Variants in LEF1 observed in about 807,000 individuals in gnomAD.
LEF1 encodes the protein lymphoid enhancer-binding factor 1.
In LEF1, 14 loss-of-function variants were observed where a neutral mutation model predicts 51.2. The observed-to-expected ratio is 0.27, with a 90% confidence interval of 0.18 to 0.43. The LOEUF is 0.43. Ranked by LOEUF, LEF1 falls within the 20% of genes least tolerant of loss-of-function variation. The pLI is 1.00. For missense variants in LEF1, 386 were observed against 512.0 expected (o/e 0.75, Z 2.37); for synonymous variants, 185 against 183.2 (o/e 1.01, Z -0.08).
chr4:108,074,220 G>C (rs1290797571), intron 8 of LEF1, among the ~76,000 whole-genome samples: 1 of 152,114 alleles, frequency 6.6e-6, no homozygotes, highest in African/African-American at 2.4e-5. Flanking sequence ...GACTAAAAAT[G>C]CTTCTCTATC....
intron 1 of LEF1, 65 bp from the exon 2 acceptor site, chr4:108,165,228 T>C: frequency 6.9e-7 from 1 of 1,438,964 alleles, no homozygotes; most frequent in Non-Finnish European, 9.8e-7. Context: ...ACAATAATGG[T>C]ACAAATGTGT....
chr4:108,125,225 G>A (rs1331600320), intron 3 of LEF1, among the ~76,000 whole-genome samples: 5 of 151,992 alleles, frequency 3.3e-5, no homozygotes, highest in Non-Finnish European at 7.4e-5. Flanking sequence ...GTGCAGTGGC[G>A]CAATCTCAGC....
intron 3 of LEF1, among the ~76,000 whole-genome samples, chr4:108,094,977 A>G (rs7686902): frequency 0.041 from 6,263 of 152,258 alleles, 403 homozygotes; most frequent in African/African-American, 0.14. Flanking sequence ...CTCCAAAAGG[A>G]TACATTGATT....
rs1737137095 is a variant in LEF1 at position 108,053,515 on chromosome 4, G to T, written c.*7-4764C>A. 1.3e-5 allele frequency among the ~76,000 whole-genome samples: 2 copies of T among 152,172 alleles called. 1 individual carries two copies. Among genetic ancestry groups the T allele is most frequent in the South Asian group, 4.1e-4 (2 of 4,828 alleles). ...CTGGATTCATGTTCTACCAAGGCAA[G>T]GCTTCCTCTCCTGTGGCTATTCAGA... On this transcript the variant is annotated intron_variant, in intron 11 of 11. Coordinates refer to ENST00000265165, the MANE Select transcript of LEF1 (RefSeq NM_016269.5).
At chr4:108,160,889 T>C (rs1159497673) in intron 3 of LEF1, among the ~76,000 whole-genome samples, 1 of 152,098 alleles carries the variant, frequency 6.6e-6, no homozygotes, top group East Asian at 1.9e-4. Flanking sequence ...GAAGGAGTGG[T>C]CAGGTCCCTC....
intron 3 of LEF1, among the ~76,000 whole-genome samples, chr4:108,106,118 G>A (rs766968010): frequency 5.4e-4 from 82 of 152,152 alleles, no homozygotes; most frequent in Middle Eastern, 6.8e-3. Flanking sequence ...GGAGATCAAC[G>A]GTCTGATCAG....
At chr4:108,149,411 G>T (rs1160803268) in intron 3 of LEF1, among the ~76,000 whole-genome samples, 1 of 137,010 alleles carries the variant, frequency 7.3e-6, no homozygotes, top group Admixed American at 7.9e-5. Flanking sequence ...GTGAGCCGAG[G>T]TCGTGCCACT....
intron 3 of LEF1, among the ~76,000 whole-genome samples, chr4:108,131,442 A>G (rs894893092): frequency 6.6e-6 from 1 of 152,098 alleles, no homozygotes; most frequent in African/African-American, 2.4e-5. Flanking sequence ...GTATCTACAC[A>G]ATGCCTACAC....
At chr4:108,126,329 G>A (rs1239846821) in intron 3 of LEF1, among the ~76,000 whole-genome samples, 1 of 152,092 alleles carries the variant, frequency 6.6e-6, no homozygotes, top group African/African-American at 2.4e-5. Context: ...ACTGATTACA[G>A]AATTTGATCT....
intron 3 of LEF1, among the ~76,000 whole-genome samples, chr4:108,156,874 T>C (rs1486285905): frequency 6.7e-6 from 1 of 149,320 alleles, no homozygotes; most frequent in Non-Finnish European, 1.5e-5. Flanking sequence ...AGGAGGGGGG[T>C]GATGATGAGA....
intron 4 of LEF1, among the ~76,000 whole-genome samples, chr4:108,084,539 T>C (rs867805794): frequency 6.6e-6 from 1 of 152,224 alleles, no homozygotes; most frequent in Admixed American, 6.5e-5. Flanking sequence ...AGCCTTCACA[T>C]TGGGAATGAC....
At chr4:108,131,252 T>C (rs1742871404) in intron 3 of LEF1, among the ~76,000 whole-genome samples, 1 of 152,012 alleles carries the variant, frequency 6.6e-6, no homozygotes, top group South Asian at 2.1e-4. Flanking sequence ...CTGAGCAACA[T>C]AGCAAGGACC....
chr4:108,101,726 T>G (rs1276445163), intron 3 of LEF1, among the ~76,000 whole-genome samples: 1 of 152,100 alleles, frequency 6.6e-6, no homozygotes, highest in Non-Finnish European at 1.5e-5. Flanking sequence ...TCTAAAGCTT[T>G]GAATTTCAAC....
intron 3 of LEF1, among the ~76,000 whole-genome samples, chr4:108,099,540 ATATG>A (rs1560788954): frequency 1.5e-4 from 6 of 40,150 alleles, no homozygotes; most frequent in Admixed American, 1.0e-3. Flanking sequence ...ATATATGTGT[ATATG>A]TGTGTGTGTG....
chr4:108,130,395 G>A (rs1742796124), intron 3 of LEF1, among the ~76,000 whole-genome samples: 1 of 152,044 alleles, frequency 6.6e-6, no homozygotes, highest in Non-Finnish European at 1.5e-5. Flanking sequence ...ATCAGCCTAA[G>A]ATGATATTAT....
chr4:108,072,217 T>TAGAGAGAG (rs1553949283), intron 8 of LEF1: 4 of 151,732 alleles, frequency 2.6e-5, no homozygotes, highest in Non-Finnish European at 4.4e-5. Context: ...GGAGGAAGGA[T>TAGAGAGAG]AGAGTGAGAG....
At chr4:108,129,557 GA>G (rs1742739565) in intron 3 of LEF1, among the ~76,000 whole-genome samples, 1 of 152,150 alleles carries the variant, frequency 6.6e-6, no homozygotes, top group African/African-American at 2.4e-5. Flanking sequence ...AAGCAAAGGA[GA>G]GAGAGAACAA....
At chr4:108,105,456 C>T (rs563108711) in intron 3 of LEF1, among the ~76,000 whole-genome samples, 13 of 152,254 alleles carry the variant, frequency 8.5e-5, no homozygotes, top group African/African-American at 2.9e-4. Context: ...GATGGGATTA[C>T]AGGTGTGAGC....
chr4:108,166,181 C>T, intron 1 of LEF1: 6 of 1,364,000 alleles, frequency 4.4e-6, no homozygotes, highest in East Asian at 2.6e-5. Context: ...CCTACCCCCG[C>T]CCCCAGCCCG....
Sources: gnomAD v4.1 joint callset for allele counts (sites outside exome capture counted in the v4.1 genomes callset) on GRCh38, gnomAD v4.1.1 for gene constraint, MANE v1.5 for transcripts, NCBI Gene and HGNC (gene_info 2026-07-23, HGNC 2026-07-21) for gene names.